Variants in GNAL observed in about 807,000 individuals in gnomAD.
GNAL encodes the protein G protein subunit alpha L, also known as guanine nucleotide-binding protein G(olf) subunit alpha.
In GNAL, 18 loss-of-function variants were observed where a neutral mutation model predicts 55.1. That is an observed-to-expected ratio of 0.33 (90% confidence interval 0.23 to 0.48). GNAL has a LOEUF of 0.48. Among genes scored for constraint, GNAL ranks in the 20% least tolerant of loss-of-function variants. GNAL has a pLI of 0.99. For missense variants in GNAL, 412 were observed against 614.1 expected (o/e 0.67, Z 3.48); for synonymous variants, 253 against 237.0 (o/e 1.07, Z -0.62).
chr18:11,841,644 C>CAAAA (rs56295234), intron 5 of GNAL, among the ~76,000 whole-genome samples: 1 of 122,742 alleles, frequency 8.1e-6, no homozygotes. Flanking sequence ...GGGTCTGTCT[C>CAAAA]AAAAAAAAAA....
At chr18:11,783,782 A>T (rs1233052098) in intron 4 of GNAL, among the ~76,000 whole-genome samples, 1 of 152,200 alleles carries the variant, frequency 6.6e-6, no homozygotes, top group Admixed American at 6.5e-5. Flanking sequence ...TTCATTAAAA[A>T]TGTCTTCAAA....
At chr18:11,879,897 G>A (rs1055691719) in intron 11 of GNAL, among the ~76,000 whole-genome samples, 7 of 115,410 alleles carry the variant, frequency 6.1e-5, no homozygotes, top group Non-Finnish European at 1.2e-4. Flanking sequence ...AACTGCCCCT[G>A]TGTGGAGGCC....
At chr18:11,844,363 A>G (rs113511340) in intron 5 of GNAL, among the ~76,000 whole-genome samples, 35 of 150,162 alleles carry the variant, frequency 2.3e-4, no homozygotes, top group African/African-American at 6.1e-4. Context: ...GAACCCGGGA[A>G]GCAGAGGTTG....
At chr18:11,695,539 A>G (rs1046644573) in intron 1 of GNAL, among the ~76,000 whole-genome samples, 1 of 152,234 alleles carries the variant, frequency 6.6e-6, no homozygotes, top group Non-Finnish European at 1.5e-5. Context: ...TATTGAGTCC[A>G]TGGAGTTGTA....
chr18:11,742,177 G>A (rs1276879282), intron 1 of GNAL, among the ~76,000 whole-genome samples: 1 of 152,188 alleles, frequency 6.6e-6, no homozygotes, highest in East Asian at 1.9e-4. Context: ...AGCTTACACT[G>A]TGCTCAGCTG....
At chr18:11,775,052 C>G (rs2033741896) in intron 4 of GNAL, among the ~76,000 whole-genome samples, 1 of 152,174 alleles carries the variant, frequency 6.6e-6, no homozygotes, top group South Asian at 2.1e-4. Flanking sequence ...CGGCTCAGCC[C>G]AGTGCGAGGC....
chr18:11,795,262 A>C (rs2034347773), intron 4 of GNAL, among the ~76,000 whole-genome samples: 1 of 152,038 alleles, frequency 6.6e-6, no homozygotes, highest in Non-Finnish European at 1.5e-5. Flanking sequence ...TTAACCAGGC[A>C]TGATAGCATG....
intron 4 of GNAL, among the ~76,000 whole-genome samples, chr18:11,790,848 G>A (rs1224986092): frequency 6.6e-6 from 1 of 151,750 alleles, no homozygotes; most frequent in Non-Finnish European, 1.5e-5. Flanking sequence ...TAGTAGAGAC[G>A]GAGTTTCACC....
In GNAL at chr18:11,868,130, GAAAATACA is replaced by G. The variant is rs1406807513; in HGVS notation, c.911-399_911-392del. Among the ~76,000 whole-genome samples the G allele has an allele frequency of 2.0e-5, 3 of 149,560 alleles. No homozygotes were observed. Among genetic ancestry groups the G allele is most frequent in the East Asian group, 2.0e-4 (1 of 5,094 alleles). ...ACAAGAGTGAAACTCTGTCTCGGAA[GAAAATACA>G]AAAATACAAAAATTAGCCAGGTGTG... On this transcript the variant is annotated intron_variant, in intron 8 of 11. Transcript: ENST00000334049. The surrounding 1 kb of genome is among the most constrained non-coding windows in gnomAD (Gnocchi z 4.0).
At chr18:11,875,152 C>T (rs905704430) in intron 10 of GNAL, among the ~76,000 whole-genome samples, 2 of 152,108 alleles carry the variant, frequency 1.3e-5, no homozygotes, top group African/African-American at 4.8e-5. Context: ...AGGGGAGTCT[C>T]AGAAGAGGAG....
At chr18:11,867,336 G>A in intron 8 of GNAL, 110 bp downstream of exon 8, 1 of 736,508 alleles carries the variant, frequency 1.4e-6, no homozygotes, top group Non-Finnish European at 2.4e-6. Context: ...GTAAAGTATA[G>A]CATTTATAGA....
chr18:11,712,125 C>CA (rs371757034), intron 1 of GNAL, among the ~76,000 whole-genome samples: 43 of 152,386 alleles, frequency 2.8e-4, no homozygotes, highest in African/African-American at 1.0e-3. Context: ...CTGGCCACAG[C>CA]AAACCAACTG....
chr18:11,698,998 A>G (rs540213099), intron 1 of GNAL, among the ~76,000 whole-genome samples: 1 of 152,222 alleles, frequency 6.6e-6, no homozygotes, highest in African/African-American at 2.4e-5. Context: ...AAAGTTTCCA[A>G]AGATTAACAT....
chr18:11,836,831 A>C (rs1413084129), intron 5 of GNAL, among the ~76,000 whole-genome samples: 1 of 152,228 alleles, frequency 6.6e-6, no homozygotes, highest in Non-Finnish European at 1.5e-5. Context: ...TGAATGAGGC[A>C]TGGACCTATG....
chr18:11,774,501 A>G (rs2161961), intron 4 of GNAL, among the ~76,000 whole-genome samples: 47,203 of 152,116 alleles, frequency 0.31, 8,959 homozygotes, highest in African/African-American at 0.54. Flanking sequence ...GCTTGATACC[A>G]ATGAAAATGG....
intron 4 of GNAL, among the ~76,000 whole-genome samples, chr18:11,770,535 C>G (rs904545589): frequency 6.6e-6 from 1 of 151,984 alleles, no homozygotes; most frequent in Non-Finnish European, 1.5e-5. Context: ...AATTTTTAAC[C>G]AGAGTATTTG....
At chr18:11,750,469 C>G (rs2032791020) in intron 1 of GNAL, among the ~76,000 whole-genome samples, 2 of 152,044 alleles carry the variant, frequency 1.3e-5, no homozygotes, top group Admixed American at 6.6e-5. Context: ...GGTTGAGAGG[C>G]TGTGCTGTGG....
intron 1 of GNAL, among the ~76,000 whole-genome samples, chr18:11,696,552 A>T (rs1444624367): frequency 9.2e-5 from 14 of 152,022 alleles, no homozygotes; most frequent in Admixed American, 9.2e-4. Context: ...CCTTAAAGAG[A>T]ATGCAGTGAT....
chr18:11,843,435 T>G (rs113718669), intron 5 of GNAL, among the ~76,000 whole-genome samples: 35 of 150,936 alleles, frequency 2.3e-4, no homozygotes, highest in East Asian at 5.9e-4. Context: ...TGAGGCAGGA[T>G]AATCACTTGA....
Sources: gnomAD v4.1 joint callset for allele counts (sites outside exome capture counted in the v4.1 genomes callset) on GRCh38, gnomAD v4.1.1 for gene constraint, Gnocchi (gnomAD v3.1) non-coding constraint, MANE v1.5 for transcripts, NCBI Gene and HGNC (gene_info 2026-07-23, HGNC 2026-07-21) for gene names.